Variants in TMEM164 observed in about 807,000 individuals in gnomAD.
TMEM164 encodes the protein transmembrane protein 164, also known as RP13-360B22.2.
In TMEM164, 4 loss-of-function variants were observed where a neutral mutation model predicts 18.8. The observed-to-expected ratio is 0.21, with a 90% CI of 0.10 to 0.49. The LOEUF (loss-of-function observed/expected upper bound fraction) is 0.49. TMEM164 is among the 20% of genes least tolerant of loss of function. TMEM164 has a pLI of 0.98. For missense variants in TMEM164, 108 were observed against 239.9 expected, an observed-to-expected ratio of 0.45 and a Z score of 3.63; for synonymous variants, 86 against 101.7, an observed-to-expected ratio of 0.85 and a Z score of 0.93.
rs1348566599 is a variant in TMEM164, at chrX:110,037,849, C to T, written c.391-29498C>T. On this transcript the variant is annotated intron_variant, in intron 2 of 6. Coordinates refer to ENST00000372068, the MANE Select transcript of TMEM164 (RefSeq NM_032227.4). The stretch of plus-strand genomic sequence containing the variant: ...TTTCAATTAAGTTGAATTAATATTT[C>T]TTCCCACTACCTACTCCTTACTGCC... 4.5e-5 allele frequency among the ~76,000 whole-genome samples: 5 copies of T among 112,023 alleles called. No individual in the cohort carries two copies. The East Asian group carries it at 1.1e-3, about 25-fold the overall frequency.
chrX:110,090,888 T>C (rs1336824673), intron 3 of TMEM164, among the ~76,000 whole-genome samples: 1 of 99,001 alleles, frequency 1.0e-5, no homozygotes, highest in African/African-American at 3.7e-5. Context: ...GCCCGGCGTG[T>C]GATGTTCCCC....
chrX:110,017,501 TCCCTCCCTCCC>T (rs1933507385), intron 2 of TMEM164, among the ~76,000 whole-genome samples: 1 of 3,927 alleles, frequency 2.5e-4, no homozygotes, highest in African/African-American at 5.9e-4. Flanking sequence ...CCTCCCTCCC[TCCCTCCCTCCC>T]TCCTTCCTTC....
At chrX:110,081,418 C>T (rs2065755655) in intron 3 of TMEM164, among the ~76,000 whole-genome samples, 1 of 111,101 alleles carries the variant, frequency 9.0e-6, no homozygotes, top group African/African-American at 3.3e-5. Flanking sequence ...TTATTTAATC[C>T]TTCTAACAAA....
chrX:110,094,613 G>A (rs1327203256), intron 3 of TMEM164, among the ~76,000 whole-genome samples: 2 of 111,713 alleles, frequency 1.8e-5, no homozygotes, highest in East Asian at 5.6e-4. Context: ...GCACACTGAT[G>A]GGTCTTGACT....
chrX:110,022,615 G>C (rs1258976284), intron 2 of TMEM164, among the ~76,000 whole-genome samples: 1 of 111,734 alleles, frequency 8.9e-6, no homozygotes. Context: ...GTGGGAGAGA[G>C]GTTTGAGGAG....
intron 4 of TMEM164, among the ~76,000 whole-genome samples, chrX:110,138,635 C>T (rs2066724351): frequency 8.9e-6 from 1 of 112,018 alleles, no homozygotes; most frequent in Non-Finnish European, 1.9e-5. Flanking sequence ...GTGCGAGAAT[C>T]CCAGCACAGA....
chrX:110,175,655 C>T lies in TMEM164; in HGVS notation c.*2204C>T. 6.2e-6 allele frequency: 4 copies of T among 647,259 alleles called. No individual in the cohort carries two copies. Among genetic ancestry groups the T allele is most frequent in the Non-Finnish European group, 7.4e-6 (4 of 541,435 alleles). 53.3% of individuals were successfully genotyped at this position (647,259 alleles called of 1,213,427 possible). ...ATGGCCAAGCCAGAGACAGATCCAC[C>T]TGTCAGAGGAAGGAAGAAGTAAAGG... On this transcript the variant is annotated 3_prime_UTR_variant, in exon 7 of 7. Transcript: ENST00000372068.
chrX:110,093,002 C>T (rs751473278), intron 3 of TMEM164, among the ~76,000 whole-genome samples: 49 of 111,437 alleles, frequency 4.4e-4, no homozygotes, highest in African/African-American at 1.2e-3. Context: ...GTTTATATGA[C>T]GGGTTATGTT....
intron 4 of TMEM164, among the ~76,000 whole-genome samples, chrX:110,127,918 G>A (rs765307828): frequency 9.8e-5 from 11 of 112,521 alleles, no homozygotes; most frequent in African/African-American, 3.5e-4. Flanking sequence ...TATAAAAGCA[G>A]CCAGGTATGC....
chrX:110,079,571 C>T (rs756586602), intron 3 of TMEM164, among the ~76,000 whole-genome samples: 1 of 111,742 alleles, frequency 8.9e-6, no homozygotes, highest in Admixed American at 9.5e-5. Flanking sequence ...AAGCTCTGTC[C>T]TCATCTTCAG....
At chrX:110,097,652 T>G (rs57190817) in intron 3 of TMEM164, among the ~76,000 whole-genome samples, 7,664 of 111,715 alleles carry the variant, frequency 0.069, 613 homozygotes, top group African/African-American at 0.22. Flanking sequence ...GATGGTTGGG[T>G]GAGATGAATC....
intron 2 of TMEM164, among the ~76,000 whole-genome samples, chrX:110,034,559 T>C (rs1270957224): frequency 8.9e-6 from 1 of 112,185 alleles, no homozygotes; most frequent in Non-Finnish European, 1.9e-5. Context: ...ACTAAAACTA[T>C]ATACAAATCA....
chrX:110,135,657 T>C (rs1350203476), intron 4 of TMEM164, among the ~76,000 whole-genome samples: 1 of 112,412 alleles, frequency 8.9e-6, no homozygotes, highest in East Asian at 2.8e-4. Context: ...CATTTAAATT[T>C]AGTTAAATAT....
intron 3 of TMEM164, among the ~76,000 whole-genome samples, chrX:110,098,950 ATTTTTTTTTTTTTT>A (rs772519388): frequency 2.4e-5 from 2 of 85,095 alleles, no homozygotes; most frequent in Non-Finnish European, 4.6e-5. Flanking sequence ...CACCCGGCTA[ATTTTTTTTTTTTTT>A]TTTTTTTGTA....
At chrX:110,038,084 G>A (rs889470407) in intron 2 of TMEM164, among the ~76,000 whole-genome samples, 66 of 100,040 alleles carry the variant, frequency 6.6e-4, no homozygotes, top group Non-Finnish European at 1.1e-3. Context: ...TCCGCCTCCC[G>A]GGTTCACGCC....
intron 4 of TMEM164, among the ~76,000 whole-genome samples, chrX:110,126,491 A>G (rs1428332023): frequency 8.9e-6 from 1 of 111,883 alleles, no homozygotes; most frequent in Non-Finnish European, 1.9e-5. Context: ...TTCTAAGGGG[A>G]TATCAATGCC....
chrX:110,004,493 C>A (rs1311959253), intron 2 of TMEM164, among the ~76,000 whole-genome samples: 1 of 111,421 alleles, frequency 9.0e-6, no homozygotes, highest in Admixed American at 9.5e-5. Context: ...CAGCCAGGTG[C>A]CCTTTCTGAA....
intron 2 of TMEM164, among the ~76,000 whole-genome samples, chrX:110,050,194 T>C (rs189949707): frequency 1.7e-4 from 19 of 111,630 alleles, no homozygotes; most frequent in African/African-American, 5.9e-4. Context: ...GGGACTCTTA[T>C]TGGAGTCACA....
At chrX:110,180,381 A>T (rs1242516979), downstream of TMEM164, among the ~76,000 whole-genome samples, 3 of 112,496 alleles carry the variant, frequency 2.7e-5, no homozygotes, top group Non-Finnish European at 5.6e-5. Context: ...CACAGATGTC[A>T]GCCTGACAAA....
Sources: allele counts gnomAD v4.1 joint callset (sites outside exome capture counted in the v4.1 genomes callset), GRCh38; gene constraint gnomAD v4.1.1; transcripts MANE v1.5; gene names NCBI Gene and HGNC (gene_info 2026-07-23, HGNC 2026-07-21).